The following DNAAF4 variants were observed in gnomAD, a reference collection of about 807,000 sequenced individuals.
DNAAF4 encodes the protein dynein axonemal assembly factor 4, also known as dynein assembly factor 4, axonemal.
Under a neutral mutation model 51.8 loss-of-function variants are expected in DNAAF4, and 43 were observed. The observed-to-expected ratio is 0.83, with a 90% CI of 0.65 to 1.07. The LOEUF (loss-of-function observed/expected upper bound fraction) is 1.07. DNAAF4 is among the 50% of genes least tolerant of loss of function. The pLI is 0.00. For synonymous variants in DNAAF4, 194 were observed against 165.6 expected (o/e 1.17, Z -1.32); for missense variants, 581 against 493.0 (o/e 1.18, Z -1.69).
At chr15:55,433,897 A>ATATAT (rs1459671454) in intron 8 of DNAAF4, among the ~76,000 whole-genome samples, 19 of 35,508 alleles carry the variant, frequency 5.4e-4, no homozygotes, top group African/African-American at 2.9e-3. Context: ...TATATATATT[A>ATATAT]TATATATTAT....
intron 5 of DNAAF4, among the ~76,000 whole-genome samples, chr15:55,450,727 GTATCTCCTACATACTT>G (rs1258601142): frequency 1.3e-5 from 2 of 152,128 alleles, no homozygotes; most frequent in African/African-American, 4.8e-5. Flanking sequence ...CTCTATAGCA[GTATCTCCTACATACTT>G]TATCTCCTAT....
At chr15:55,425,720 C>A (rs1333191238), downstream of DNAAF4, among the ~76,000 whole-genome samples, 2 of 152,162 alleles carry the variant, frequency 1.3e-5, no homozygotes, top group East Asian at 3.8e-4. Flanking sequence ...CAGCAAAGAG[C>A]TAACGTGTGG....
intron 7 of DNAAF4, chr15:55,418,264 G>T: frequency 6.4e-7 from 1 of 1,554,880 alleles, no homozygotes; most frequent in Non-Finnish European, 8.7e-7. Flanking sequence ...ACACAGAAAT[G>T]AAATCTGAAC....
At chr15:55,454,922 CAG>C (rs2057994223) in intron 5 of DNAAF4, among the ~76,000 whole-genome samples, 1 of 151,706 alleles carries the variant, frequency 6.6e-6, no homozygotes, top group Non-Finnish European at 1.5e-5. Flanking sequence ...TCCTGGGTGA[CAG>C]GGTGAGATCC....
At chr15:55,429,613 T>G (rs1360283663), downstream of DNAAF4, among the ~76,000 whole-genome samples, 2 of 151,436 alleles carry the variant, frequency 1.3e-5, no homozygotes, top group African/African-American at 2.4e-5. Context: ...ATCAGGAGAT[T>G]GAGACCATCC....
chr15:55,439,907 T>C (rs905298339), intron 6 of DNAAF4, among the ~76,000 whole-genome samples: 7 of 152,134 alleles, frequency 4.6e-5, no homozygotes, highest in African/African-American at 1.7e-4. Context: ...CCGCAAGTTA[T>C]GATGAGCACC....
At chr15:55,434,249 A>G (rs549938898) in intron 8 of DNAAF4, among the ~76,000 whole-genome samples, 11 of 150,300 alleles carry the variant, frequency 7.3e-5, no homozygotes, top group Non-Finnish European at 1.5e-4. Flanking sequence ...TGGGTGATTC[A>G]GCTTATTCAT....
intron 5 of DNAAF4, among the ~76,000 whole-genome samples, chr15:55,462,195 TG>T (rs2058102610): frequency 6.6e-6 from 1 of 151,348 alleles, no homozygotes; most frequent in African/African-American, 2.4e-5. Flanking sequence ...GATTCACAGC[TG>T]GTTTTTTTTT....
intron 4 of DNAAF4, among the ~76,000 whole-genome samples, chr15:55,481,623 T>C (rs915182100): frequency 7.9e-5 from 12 of 152,136 alleles, no homozygotes; most frequent in Non-Finnish European, 1.5e-4. Context: ...GTCCCCAATA[T>C]GTAGGGACTC....
intron 7 of DNAAF4, 124 bp from the exon 8 acceptor site, chr15:55,435,182 G>A (rs762595511): frequency 2.6e-5 from 26 of 1,017,976 alleles, no homozygotes; most frequent in Admixed American, 6.1e-5. Context: ...TAGGGTAAAC[G>A]TTGCCTGCAC....
intron 1 of DNAAF4, among the ~76,000 whole-genome samples, chr15:55,502,019 G>T (rs2058702182): frequency 6.6e-6 from 1 of 151,720 alleles, no homozygotes. Flanking sequence ...CTCCAGCCTA[G>T]GCAACAAGAG....
At chr15:55,481,789 T>C (rs747819695) in intron 4 of DNAAF4, among the ~76,000 whole-genome samples, 7 of 152,202 alleles carry the variant, frequency 4.6e-5, no homozygotes, top group African/African-American at 1.4e-4. Flanking sequence ...CTTATTGGAA[T>C]TGGGCCAAAA....
Position 55,505,794 on chromosome 15 carries a change from C to T in DNAAF4, c.-256+2328G>A, listed in dbSNP as rs146132789. On this transcript the variant is annotated intron_variant, in intron 1 of 9. Transcript: ENST00000321149. Reference sequence around the variant, plus strand: ...GGTGGGGGGGCTGGGGGAGGGATAGCGTTAGGAGAAATACCTAATGTAAGT... The same window carrying T: ...GGTGGGGGGGCTGGGGGAGGGATAGTGTTAGGAGAAATACCTAATGTAAGT... Among the ~76,000 whole-genome samples the T allele has an allele frequency of 2.6e-4, 39 of 152,170 alleles. No homozygotes were observed. In the East Asian group the frequency reaches 7.2e-3, roughly 28 times the overall value.
rs775374371 is a variant in DNAAF4 at position 55,430,631 on chromosome 15, A to T, written c.*39T>A. On this transcript the variant is annotated 3_prime_UTR_variant, in exon 10 of 10. Transcript: ENST00000321149. ...TACAAAGATGCCTCCAGTTGTTTTTAAAAAACTTATAACAATACTTAGTTA... is the reference window on the plus strand; with the variant it reads ...TACAAAGATGCCTCCAGTTGTTTTTTAAAAACTTATAACAATACTTAGTTA... 4.4e-6 allele frequency: 7 copies of T among 1,594,742 alleles called. No homozygotes were observed. In the South Asian group the frequency reaches 5.6e-5, roughly 13 times the overall value.
In DNAAF4 at chr15:55,491,647, T is replaced by A. The variant is rs553012004; in HGVS notation, c.272-391A>T. 4.8e-3 allele frequency among the ~76,000 whole-genome samples: 684 copies of A among 142,838 alleles called. 2 individuals carry two copies. Among genetic ancestry groups the A allele is most frequent in the Non-Finnish European group, 7.3e-3 (489 of 66,554 alleles). The allele number at this position is 142,838 out of a possible 152,430, so 93.7% of individuals were successfully genotyped here. On this transcript the variant is annotated intron_variant, in intron 3 of 9. Transcript: ENST00000321149. ...ATCATCATTTATATAATATATAAAA[T>A]ATAAAATATATATTATATATTATAG...
chr15:55,457,224 C>A (rs1369236990), intron 5 of DNAAF4, among the ~76,000 whole-genome samples: 4 of 152,106 alleles, frequency 2.6e-5, no homozygotes, highest in Non-Finnish European at 4.4e-5. Flanking sequence ...GGTGGCATGG[C>A]CAGAGTGAGA....
At chr15:55,497,668 C>T (rs77409626) in intron 3 of DNAAF4, 44 bp downstream of exon 3, 2 of 1,558,262 alleles carry the variant, frequency 1.3e-6, no homozygotes, top group South Asian at 2.4e-5. Context: ...GGTCTGAAAC[C>T]GAAAAGGTAC....
intron 8 of DNAAF4, among the ~76,000 whole-genome samples, chr15:55,433,818 TATTA>T (rs1365511990): frequency 1.2e-5 from 1 of 86,274 alleles, no homozygotes; most frequent in African/African-American, 4.4e-5. Context: ...ATATAATATA[TATTA>T]TATATATTAC....
chr15:55,458,116 T>G (rs1460597541), intron 5 of DNAAF4, among the ~76,000 whole-genome samples: 1 of 152,128 alleles, frequency 6.6e-6, no homozygotes, highest in African/African-American at 2.4e-5. Context: ...TCTAGTAATA[T>G]GACAATACAA....
Sources: allele counts gnomAD v4.1 joint callset (sites outside exome capture counted in the v4.1 genomes callset), GRCh38; gene constraint gnomAD v4.1.1; transcripts MANE v1.5; gene names NCBI Gene and HGNC (gene_info 2026-07-23, HGNC 2026-07-21).